Variants in INPP5J observed in about 807,000 individuals in gnomAD.
INPP5J encodes the protein phosphatidylinositol 4,5-bisphosphate 5-phosphatase A.
Under a neutral mutation model 86.6 loss-of-function variants are expected in INPP5J, and 75 were observed. The ratio of observed to expected loss-of-function variants is 0.87; its 90% CI spans 0.72 to 1.05. The LOEUF (loss-of-function observed/expected upper bound fraction) is 1.05, where lower values mean the gene tolerates loss of function less well. Among genes scored for constraint, INPP5J ranks in the 50% least tolerant of loss-of-function variants. The probability of loss-of-function intolerance (pLI) is 0.00; values close to 1 mark genes in which losing one functional copy is unlikely to be tolerated. For synonymous variants in INPP5J, 540 were observed against 550.0 expected, an observed-to-expected ratio of 0.98 and a Z score of 0.25; for missense variants, 1,229 against 1,341.2, an observed-to-expected ratio of 0.92 and a Z score of 1.31.
rs1921958372 is a variant in INPP5J at position 31,130,345 on chromosome 22, GA to G, written c.2193+1697del. ...GACATGAGCAAGACTGTGTCTCAGG[GA>G]AAAAATAAAAATAAAAATAAAATTT... On this transcript the variant is annotated intron_variant, in intron 9 of 12. Transcript: ENST00000331075. 2.0e-5 allele frequency among the ~76,000 whole-genome samples: 3 copies of G among 151,602 alleles called. No homozygotes were observed. In the South Asian group the frequency reaches 6.2e-4, roughly 32 times the overall value.
chr22:31,130,654 A>G (rs2147882154), intron 9 of INPP5J, among the ~76,000 whole-genome samples: 1 of 152,324 alleles, frequency 6.6e-6, no homozygotes, highest in South Asian at 2.1e-4. Flanking sequence ...ATATTCATTC[A>G]TTCGTTATTT....
chr22:31,127,306 C>T (rs1921584810), intron 5 of INPP5J, 51 bp from the exon 6 acceptor site: 1 of 1,518,754 alleles, frequency 6.6e-7, no homozygotes, highest in East Asian at 2.3e-5. Flanking sequence ...CCCAGTGCCT[C>T]ACCTCCTGGC....
intron 8 of INPP5J, 30 bp from the exon 9 acceptor site, chr22:31,128,441 T>G: frequency 6.2e-7 from 1 of 1,611,186 alleles, no homozygotes; most frequent in Non-Finnish European, 8.5e-7. Flanking sequence ...CCCCAGCCCC[T>G]GAAACTTGGG....
intron 9 of INPP5J, among the ~76,000 whole-genome samples, chr22:31,129,167 T>C (rs1169860335): frequency 6.8e-6 from 1 of 147,158 alleles, no homozygotes; most frequent in Admixed American, 6.9e-5. Flanking sequence ...CCTGACCTCC[T>C]GATCCACCCA....
chr22:31,127,374 G>A lies in INPP5J; in HGVS notation c.1629G>A (p.Val543=), dbSNP rs1921597189. 1 of 1,612,124 alleles carries A rather than the reference G, an allele frequency of 6.2e-7. No homozygotes were observed. The highest frequency in any genetic ancestry group is 8.5e-7 in the Non-Finnish European group (1 of 1,179,082). ...CTCCCTAGGGTAACAAGGGTGGCGTGAGCGTGCGCCTGGCGGCCTTCGGGC... is the reference window on the plus strand; with the variant it reads ...CTCCCTAGGGTAACAAGGGTGGCGTAAGCGTGCGCCTGGCGGCCTTCGGGC... ...LGGYWGNKGG[V]SVRLAAFGHM... Residue 543 remains valine (V), a synonymous_variant, in exon 6 of 13, where the codon GTG becomes GTA. Transcript: ENST00000331075.
intron 9 of INPP5J, 43 bp downstream of exon 9, chr22:31,128,697 C>T (rs757139958): frequency 6.6e-7 from 1 of 1,510,330 alleles, no homozygotes; most frequent in Non-Finnish European, 8.9e-7. Flanking sequence ...TCCCCAGGCC[C>T]AACTCGGCAT....
At position 31,134,408 on chromosome 22, in the gene INPP5J, C is replaced by T. The variant is rs746003520; in HGVS notation, c.3010C>T (p.Leu1004=). The T allele has an allele frequency of 2.7e-6, 4 of 1,460,022 alleles. No homozygotes were observed. In the Admixed American group the frequency reaches 1.1e-4, roughly 39 times the overall value. 90.4% of individuals were successfully genotyped at this position (1,460,022 alleles called of 1,614,324 possible). The change falls in exon 13 of 13, where the codon CTG becomes TTG. Residue 1004 remains leucine, a synonymous_variant. Transcript: ENST00000331075. The part of the protein sequence containing the change: ...QGHRGLEEGG[L]GP ...CCATCGGGGGCTGGAGGAAGGGGGC[C>T]TGGGGCCCTGAGGGTGGGGTAGGCA... is the stretch of plus-strand genomic sequence containing the variant.
Position 31,125,417 on chromosome 22 carries a change from C to T in INPP5J, c.678C>T (p.Gly226=). Residue 226 remains glycine (G), a synonymous_variant, in exon 2 of 13, where the codon GGC becomes GGT. Transcript: ENST00000331075. ...TGGCTCCAGCATCCACGGCATCAGG[C>T]GCAGCCTCTGTGGGACAGACATCAG... ...QALAPASTAS[G]AASVGQTSAR... 2 of 1,550,642 alleles carry T rather than the reference C, an allele frequency of 1.3e-6. No homozygotes were observed. Among genetic ancestry groups the T allele is most frequent in the Non-Finnish European group, 1.7e-6 (2 of 1,146,980 alleles).
rs1489971795 is a variant in INPP5J, at chr22:31,125,888, C to T, written c.1149C>T (p.Cys383=). ...LGTQSTGPGR[C]LSPNLQAQEA... The stretch of plus-strand genomic sequence containing the variant: ...CACAGAGTACAGGGCCTGGCAGGTG[C>T]CTGAGCCCCAACCTTCAGGCCCAAG... Residue 383 remains cysteine, a synonymous_variant, in exon 2 of 13, where the codon TGC becomes TGT. Coordinates refer to ENST00000331075, the MANE Select transcript of INPP5J (RefSeq NM_001284285.2). The T allele has an allele frequency of 1.2e-6, 2 of 1,611,328 alleles. No homozygotes were observed. The highest frequency in any genetic ancestry group is 1.1e-5 in the South Asian group (1 of 90,742).
At position 31,127,376 on chromosome 22, in the gene INPP5J, G is replaced by A. The variant is rs1049092883; in HGVS notation, c.1631G>A (p.Ser544Asn). Residue 544 changes from serine (S) to asparagine (N), a missense_variant, in exon 6 of 13, where the codon AGC becomes AAC. Transcript: ENST00000331075. Reference protein sequence around the residue: ...GGYWGNKGGVSVRLAAFGHML... With the variant: ...GGYWGNKGGVNVRLAAFGHML... ...CCCTAGGGTAACAAGGGTGGCGTGAGCGTGCGCCTGGCGGCCTTCGGGCAC... is the reference window on the plus strand; with the variant it reads ...CCCTAGGGTAACAAGGGTGGCGTGAACGTGCGCCTGGCGGCCTTCGGGCAC... 2 of 1,612,462 alleles carry A rather than the reference G, an allele frequency of 1.2e-6. No homozygotes were observed. The highest frequency in any genetic ancestry group is 1.1e-5 in the South Asian group (1 of 90,772).
At chr22:31,133,070 GC>G (rs1922203551) in intron 9 of INPP5J, 27 bp from the exon 10 acceptor site, 3 of 1,553,494 alleles carry the variant, frequency 1.9e-6, no homozygotes, top group Non-Finnish European at 2.6e-6. Flanking sequence ...CCCTGATGTG[GC>G]CCCCTGCCCC....
chr22:31,124,835 C>T lies in INPP5J; in HGVS notation c.106-10C>T. Reference sequence around the variant, plus strand: ...GGGTCACTCTGAATCTTTGACTTGTCCTCCACAAGGTGGACTCAAGTTTTC... The same window carrying T: ...GGGTCACTCTGAATCTTTGACTTGTTCTCCACAAGGTGGACTCAAGTTTTC... On this transcript the variant is annotated splice_polypyrimidine_tract_variant and intron_variant, in intron 1 of 12. Transcript: ENST00000331075. 6.2e-7 allele frequency: 1 copy of T among 1,602,330 alleles called. No homozygotes were observed. Among genetic ancestry groups the T allele is most frequent in the Non-Finnish European group, 8.5e-7 (1 of 1,171,932 alleles).
intron 1 of INPP5J, among the ~76,000 whole-genome samples, chr22:31,123,698 T>C (rs567126559): frequency 6.6e-6 from 1 of 152,286 alleles, no homozygotes; most frequent in East Asian, 1.9e-4. Flanking sequence ...CCTGTTACCC[T>C]ACCTAGGGCC....
In INPP5J at chr22:31,128,233, C is replaced by A; in HGVS notation, c.1919C>A (p.Thr640Asn). Residue 640 changes from threonine (T) to asparagine (N), a missense_variant, in exon 8 of 13, where the codon ACC (threonine) becomes AAC (asparagine). Coordinates refer to ENST00000331075, the MANE Select transcript of INPP5J (RefSeq NM_001284285.2). ...EKDQLNMAKN[T>N]WPILKGFQEG... is the part of the protein sequence containing the mutation. ...CCACAGCTCAACATGGCCAAGAACACCTGGCCCATTCTGAAGGGCTTTCAG... is the reference window on the plus strand; with the variant it reads ...CCACAGCTCAACATGGCCAAGAACAACTGGCCCATTCTGAAGGGCTTTCAG... 1 of 1,597,400 alleles carries A rather than the reference C, an allele frequency of 6.3e-7. No homozygotes were observed. The highest frequency in any genetic ancestry group is 8.5e-7 in the Non-Finnish European group (1 of 1,171,952).
At chr22:31,127,887 C>T in intron 6 of INPP5J, 64 bp from the exon 7 acceptor site, 1 of 962,778 alleles carries the variant, frequency 1.0e-6, no homozygotes, top group Non-Finnish European at 1.7e-6. Flanking sequence ...AGCCCTTATC[C>T]TCCATGGACC....
chr22:31,122,978 G>T lies in INPP5J; in HGVS notation c.-37G>T. ...TCCCGGGAGCGGTAGAGCTGGAGCC[G>T]GAGCCAAGGGAGTCCAGGCTGCCGG... On this transcript the variant is annotated 5_prime_UTR_variant, in exon 1 of 13. Transcript: ENST00000331075. 7.5e-7 allele frequency: 1 copy of T among 1,334,772 alleles called. No homozygotes were observed. Among genetic ancestry groups the T allele is most frequent in the South Asian group, 1.7e-5 (1 of 59,588 alleles). The allele number at this position is 1,334,772 out of a possible 1,614,324, so 82.7% of individuals were successfully genotyped here.
Position 31,127,497 on chromosome 22 carries a change from C to A in INPP5J, c.1752C>A (p.Phe584Leu). The A allele has an allele frequency of 6.2e-7, 1 of 1,613,770 alleles. No individual in the cohort carries two copies. The highest frequency in any genetic ancestry group is 1.1e-5 in the South Asian group (1 of 91,046). Residue 584 changes from phenylalanine to leucine, a missense_variant, in exon 6 of 13, where the codon TTC (phenylalanine) becomes TTA (leucine). Transcript: ENST00000331075. ...AGACCATCCTCAGCCTCCAGCAGTT[C>A]CAAGGGCCGGGCGCACAGGGCATCC... is the stretch of plus-strand genomic sequence containing the variant. ...NFQTILSLQQ[F>L]QGPGAQGILD...
intron 2 of INPP5J, 60 bp from the exon 3 acceptor site, chr22:31,126,316 G>A: frequency 7.2e-7 from 1 of 1,383,952 alleles, no homozygotes; most frequent in African/African-American, 1.4e-5. Flanking sequence ...TCCTGTGAAA[G>A]GAAGCTTGAG....
chr22:31,126,593 C>T lies in INPP5J; in HGVS notation c.1386-20C>T. The T allele has an allele frequency of 3.7e-6, 6 of 1,608,848 alleles. No individual in the cohort carries two copies. The highest frequency in any genetic ancestry group is 5.1e-6 in the Non-Finnish European group (6 of 1,175,282). ...GGGCACCTCTCCAATCCCATGGCCACCCTGCCCCCACCCCTCCAGGTTGCA... is the reference window on the plus strand; with the variant it reads ...GGGCACCTCTCCAATCCCATGGCCATCCTGCCCCCACCCCTCCAGGTTGCA... On this transcript the variant is annotated intron_variant, in intron 3 of 12. Coordinates refer to ENST00000331075, the MANE Select transcript of INPP5J (RefSeq NM_001284285.2).
Sources: gnomAD v4.1 joint callset for allele counts (sites outside exome capture counted in the v4.1 genomes callset) on GRCh38, gnomAD v4.1.1 for gene constraint, MANE v1.5 for transcripts, NCBI Gene and HGNC (gene_info 2026-07-23, HGNC 2026-07-21) for gene names.